COPE: variants seen among roughly 807,000 people sequenced by gnomAD.
COPE encodes the protein coatomer subunit epsilon.
In COPE, 19 loss-of-function variants were observed where a neutral mutation model predicts 42.1. The observed-to-expected ratio is 0.45, with a 90% CI of 0.31 to 0.66. The LOEUF is 0.66. Among genes scored for constraint, COPE ranks in the 30% least tolerant of loss-of-function variants. The pLI is 0.05. For synonymous variants in COPE, 195 were observed against 181.3 expected, an observed-to-expected ratio of 1.08 and a Z score of -0.60; for missense variants, 402 against 416.1, an observed-to-expected ratio of 0.97 and a Z score of 0.30.
chr19:18,905,698 G>A (rs2056752605), intron 4 of COPE, 69 bp from the exon 5 acceptor site: 2 of 1,493,076 alleles, frequency 1.3e-6, no homozygotes, highest in Non-Finnish European at 1.8e-6. Flanking sequence ...TCCACACCCA[G>A]GGCTCACTGT....
At chr19:18,914,609 G>A (rs1344851722) in intron 1 of COPE, among the ~76,000 whole-genome samples, 2 of 151,188 alleles carry the variant, frequency 1.3e-5, no homozygotes, top group Non-Finnish European at 2.9e-5. Flanking sequence ...ACTAGCCCAG[G>A]GCCACATGCC....
intron 3 of COPE, among the ~76,000 whole-genome samples, chr19:18,908,990 C>T (rs1012888185): frequency 1.3e-5 from 2 of 152,064 alleles, no homozygotes; most frequent in Admixed American, 6.5e-5. Context: ...AGAGCAAGAC[C>T]GTATCTCAAG....
At chr19:18,907,470 C>G (rs936662094) in intron 3 of COPE, among the ~76,000 whole-genome samples, 1 of 152,198 alleles carries the variant, frequency 6.6e-6, no homozygotes, top group Non-Finnish European at 1.5e-5. Context: ...TTCAAGGCCA[C>G]GTCTTCTAGC....
intron 4 of COPE, chr19:18,906,189 T>G (rs2056757578): frequency 2.6e-6 from 1 of 377,512 alleles, no homozygotes; most frequent in African/African-American, 2.1e-5. Flanking sequence ...CATCCCTATT[T>G]ATTTTCTTTT....
At chr19:18,912,949 C>T (rs757691454) in intron 2 of COPE, 35 bp downstream of exon 2, 7 of 1,606,836 alleles carry the variant, frequency 4.4e-6, no homozygotes, top group African/African-American at 1.3e-5. Flanking sequence ...CTACTCTGTT[C>T]ATCACTCTTG....
intron 1 of COPE, 28 bp from the exon 2 acceptor site, chr19:18,913,074 C>T: frequency 1.2e-6 from 2 of 1,600,890 alleles, no homozygotes; most frequent in Non-Finnish European, 8.5e-7. Context: ...AGTCAGGACG[C>T]ACAGTGGGAG....
chr19:18,907,502 A>T (rs77271628), intron 3 of COPE, among the ~76,000 whole-genome samples: 1 of 152,022 alleles, frequency 6.6e-6, no homozygotes, highest in Non-Finnish European at 1.5e-5. Context: ...CTGGGTGCCG[A>T]GGGGCCGTGC....
At chr19:18,912,854 C>T in intron 2 of COPE, 130 bp downstream of exon 2, 1 of 824,076 alleles carries the variant, frequency 1.2e-6, no homozygotes, top group Admixed American at 2.1e-5. Context: ...TTCACAGTCA[C>T]TGAACACTGC....
chr19:18,904,846 C>T lies in COPE; in HGVS notation c.504G>A (p.Glu168=). 1.3e-6 allele frequency: 2 copies of T among 1,553,960 alleles called. No individual in the cohort carries two copies. The highest frequency in any genetic ancestry group is 4.9e-5 in the East Asian group (2 of 41,078). The change falls in exon 6 of 10, where the codon GAG becomes GAA. Residue 168 remains glutamate, a synonymous_variant. Transcript: ENST00000262812. ...CGTCCAGGTCCTGCATTCTCTTCAG[C>T]TCCTTCCTGGGGCGGGGACAGATGA... The part of the protein sequence containing the change: ...KLDRLDLARK[E]LKRMQDLDED...
At chr19:18,908,337 G>A (rs1159019879) in intron 3 of COPE, among the ~76,000 whole-genome samples, 2 of 151,924 alleles carry the variant, frequency 1.3e-5, no homozygotes, top group Non-Finnish European at 1.5e-5. Flanking sequence ...TGAGGCAGGA[G>A]GATGGCTTCA....
intron 6 of COPE, 147 bp downstream of exon 6, chr19:18,904,624 C>T: frequency 5.7e-6 from 4 of 696,832 alleles, no homozygotes; most frequent in Non-Finnish European, 9.7e-6. Context: ...GGAGTCAAGG[C>T]TGAGTTATGC....
At chr19:18,916,944 CAAAAAAAAAA>C (rs34497308) in intron 1 of COPE, among the ~76,000 whole-genome samples, 2 of 68,694 alleles carry the variant, frequency 2.9e-5, no homozygotes, top group Non-Finnish European at 5.3e-5. Context: ...GATCCTGTCT[CAAAAAAAAAA>C]AAAAAAAAAA....
chr19:18,900,331 TC>T, intron 8 of COPE, 49 bp downstream of exon 8: 1 of 1,453,968 alleles, frequency 6.9e-7, no homozygotes, highest in Non-Finnish European at 9.3e-7. Context: ...CAGGCTGGGG[TC>T]CCAGGGTCTG....
Position 18,908,523 on chromosome 19 carries a change from T to G in COPE, c.291-1411A>C, listed in dbSNP as rs112981304. On this transcript the variant is annotated intron_variant, in intron 3 of 9. Transcript: ENST00000262812. ...CAACATGGCAAAACCCCATCTCTCTTTTTTTTTTTTTGAGACGGAGTCTCG... is the reference window on the plus strand; with the variant it reads ...CAACATGGCAAAACCCCATCTCTCTGTTTTTTTTTTTGAGACGGAGTCTCG... Among the ~76,000 whole-genome samples the G allele has an allele frequency of 9.2e-5, 4 of 43,378 alleles. 1 individual carries two copies. In the East Asian group the frequency reaches 1.1e-3, roughly 12 times the overall value. 28.5% of individuals were successfully genotyped at this position (43,378 alleles called of 152,430 possible).
chr19:18,913,128 T>C, intron 1 of COPE, 82 bp from the exon 2 acceptor site: 1 of 1,246,628 alleles, frequency 8.0e-7, no homozygotes. Context: ...GACAGGCCCC[T>C]GTACACTGGG....
rs143590150 is a variant in COPE at position 18,910,877 on chromosome 19, G to A, written c.290+94C>T. 345 of 1,070,642 alleles carry A rather than the reference G, an allele frequency of 3.2e-4. No homozygotes were observed. The African/African-American group carries it at 4.5e-3, about 14-fold the overall frequency. 66.3% of individuals were successfully genotyped at this position (1,070,642 alleles called of 1,614,324 possible). A position where few individuals can be genotyped will look rare whatever the true frequency, so the allele number is the denominator to read the frequency against. On this transcript the variant is annotated intron_variant, in intron 3 of 9. Coordinates refer to ENST00000262812, the MANE Select transcript of COPE (RefSeq NM_007263.4). Reference sequence around the variant, plus strand: ...GCGCCTAATCTGAGGGATGCTGTGCGCTGCACGCCATGCCCCCACCCACCC... The same window carrying A: ...GCGCCTAATCTGAGGGATGCTGTGCACTGCACGCCATGCCCCCACCCACCC...
At chr19:18,917,630 T>C (rs1350915870) in intron 1 of COPE, among the ~76,000 whole-genome samples, 1 of 151,992 alleles carries the variant, frequency 6.6e-6, no homozygotes, top group Non-Finnish European at 1.5e-5. Flanking sequence ...CCCAAAGTGC[T>C]GGAATTACAG....
At chr19:18,904,058 C>T (rs901542718) in intron 6 of COPE, among the ~76,000 whole-genome samples, 2 of 152,214 alleles carry the variant, frequency 1.3e-5, no homozygotes, top group Non-Finnish European at 2.9e-5. Flanking sequence ...CTCCACCTCC[C>T]GGGTTCAAGC....
chr19:18,918,318 G>A (rs552764676), intron 1 of COPE, among the ~76,000 whole-genome samples: 1 of 151,922 alleles, frequency 6.6e-6, no homozygotes, highest in Non-Finnish European at 1.5e-5. Flanking sequence ...TAAACTCTCC[G>A]ACCCTGAATC....
Sources: gnomAD v4.1 joint callset for allele counts (sites outside exome capture counted in the v4.1 genomes callset) on GRCh38, gnomAD v4.1.1 for gene constraint, MANE v1.5 for transcripts, NCBI Gene and HGNC (gene_info 2026-07-23, HGNC 2026-07-21) for gene names.